The following AKR1E2 variants were observed in gnomAD, a reference collection of about 807,000 sequenced individuals.
AKR1E2 encodes the protein aldo-keto reductase family 1 member E2.
In AKR1E2, 43 loss-of-function variants were observed where a neutral mutation model predicts 41.9. The observed-to-expected ratio is 1.03, with a 90% CI of 0.80 to 1.32. The LOEUF (loss-of-function observed/expected upper bound fraction) is 1.32. Among genes scored for constraint, AKR1E2 ranks in the 40% most tolerant of loss-of-function variants. The pLI is 0.00. For synonymous variants in AKR1E2, 121 were observed against 138.9 expected, an observed-to-expected ratio of 0.87 and a Z score of 0.91; for missense variants, 423 against 396.5, an observed-to-expected ratio of 1.07 and a Z score of -0.57.
chr10:4,844,314 A>G (rs117935131), intron 8 of AKR1E2, among the ~76,000 whole-genome samples: 25,981 of 152,080 alleles, frequency 0.17, 2,716 homozygotes, highest in Middle Eastern at 0.33. Flanking sequence ...TATTGGCTTC[A>G]GGAGTGATGC....
chr10:4,849,563 T>C (rs1055336397), downstream of AKR1E2, among the ~76,000 whole-genome samples: 1 of 152,256 alleles, frequency 6.6e-6, no homozygotes, highest in Non-Finnish European at 1.5e-5. Flanking sequence ...CCATTGTTCA[T>C]TGACCTTAAA....
At chr10:4,856,219 T>C in the AKR1E2 span, among the ~76,000 whole-genome samples, 1 of 152,234 alleles carries the variant, frequency 6.6e-6, no homozygotes, top group Non-Finnish European at 1.5e-5. Context: ...TAAATAATTG[T>C]CTTAAGTTAG....
At chr10:4,835,436 T>C (rs903355340) in intron 3 of AKR1E2, among the ~76,000 whole-genome samples, 1 of 152,170 alleles carries the variant, frequency 6.6e-6, no homozygotes, top group Non-Finnish European at 1.5e-5. Flanking sequence ...ATACAGGGTC[T>C]TCCTTTCCCA....
chr10:4,845,132 G>A (rs11594118), intron 8 of AKR1E2, among the ~76,000 whole-genome samples: 2 of 152,206 alleles, frequency 1.3e-5, no homozygotes, highest in East Asian at 3.9e-4. Flanking sequence ...GGGGGACCTA[G>A]CACGCCCTCC....
intron 8 of AKR1E2, among the ~76,000 whole-genome samples, chr10:4,843,052 T>C (rs1349710217): frequency 6.6e-6 from 1 of 152,156 alleles, no homozygotes; most frequent in Non-Finnish European, 1.5e-5. Flanking sequence ...GAGGCAGCGG[T>C]CCTTTTCAGG....
At chr10:4,829,350 ATTATC>A (rs1411423520) in intron 1 of AKR1E2, among the ~76,000 whole-genome samples, 1 of 152,188 alleles carries the variant, frequency 6.6e-6, no homozygotes, top group Non-Finnish European at 1.5e-5. Flanking sequence ...GGTGTGGTAT[ATTATC>A]TTTTCATAAA....
intron 1 of AKR1E2, among the ~76,000 whole-genome samples, chr10:4,828,300 G>A (rs1259342319): frequency 6.6e-6 from 1 of 152,196 alleles, no homozygotes; most frequent in East Asian, 1.9e-4. Context: ...TCAAGATGAT[G>A]GCTGAAGCAC....
chr10:4,865,242 T>C, the AKR1E2 span, among the ~76,000 whole-genome samples: 1 of 152,180 alleles, frequency 6.6e-6, no homozygotes, highest in African/African-American at 2.4e-5. Context: ...AAACAGATCT[T>C]TTAAATCATT....
At chr10:4,859,914 A>G in the AKR1E2 span, among the ~76,000 whole-genome samples, 1 of 152,148 alleles carries the variant, frequency 6.6e-6, no homozygotes, top group African/African-American at 2.4e-5. Flanking sequence ...GCCCTCATGG[A>G]GTTGACCTGT....
chr10:4,870,348 C>A, the AKR1E2 span, among the ~76,000 whole-genome samples: 36 of 152,150 alleles, frequency 2.4e-4, no homozygotes, highest in African/African-American at 7.7e-4. Flanking sequence ...CAAGAACAAT[C>A]TACTGCGTTT....
chr10:4,849,157 G>T (rs1247238733), downstream of AKR1E2, among the ~76,000 whole-genome samples: 2 of 152,184 alleles, frequency 1.3e-5, no homozygotes, highest in African/African-American at 4.8e-5. Flanking sequence ...TGAGGGTGGG[G>T]TGTCATGGTT....
chr10:4,864,452 G>C, the AKR1E2 span, among the ~76,000 whole-genome samples: 2 of 152,022 alleles, frequency 1.3e-5, no homozygotes, highest in East Asian at 1.9e-4. Flanking sequence ...GTATTGATGG[G>C]ACATATCTCA....
At chr10:4,834,029 G>A (rs547511088) in intron 3 of AKR1E2, among the ~76,000 whole-genome samples, 86 of 152,310 alleles carry the variant, frequency 5.6e-4, no homozygotes, top group African/African-American at 1.9e-3. Flanking sequence ...CAGTCTGGCC[G>A]TGCAACTTCC....
chr10:4,842,505 G>T lies in AKR1E2; in HGVS notation c.837+1G>T, dbSNP rs745450309. On this transcript the variant is annotated splice_donor_variant, in intron 8 of 9. Transcript: ENST00000298375. LOFTEE classifies it high-confidence loss of function. ...AAGTCACATTAAAGAGAATATCCAG[G>T]TAGGTGTATTCCTTCTTTTATTTGG... is the stretch of plus-strand genomic sequence containing the variant. The T allele has an allele frequency of 1.5e-5, 24 of 1,613,530 alleles. No homozygotes were observed. Among genetic ancestry groups the T allele is most frequent in the Non-Finnish European group, 1.9e-5 (23 of 1,179,506 alleles).
the AKR1E2 span, among the ~76,000 whole-genome samples, chr10:4,872,548 T>C: frequency 6.6e-6 from 1 of 152,182 alleles, no homozygotes; most frequent in Non-Finnish European, 1.5e-5. Context: ...AGTCATTGAA[T>C]AGTTATTGTT....
intron 2 of AKR1E2, among the ~76,000 whole-genome samples, chr10:4,832,929 A>G (rs1328910307): frequency 6.6e-6 from 1 of 152,220 alleles, no homozygotes; most frequent in Non-Finnish European, 1.5e-5. Flanking sequence ...GCTAACCCAC[A>G]TGGTTACAGT....
chr10:4,854,275 G>C, the AKR1E2 span, among the ~76,000 whole-genome samples: 6 of 152,008 alleles, frequency 3.9e-5, no homozygotes, highest in Non-Finnish European at 8.8e-5. Context: ...TGTATTTCTA[G>C]TAGAGATGGG....
intron 5 of AKR1E2, among the ~76,000 whole-genome samples, chr10:4,838,766 A>G (rs914177123): frequency 1.3e-5 from 2 of 152,106 alleles, no homozygotes; most frequent in Non-Finnish European, 2.9e-5. Context: ...CCCTATATAT[A>G]TAAGTTTTGA....
chr10:4,843,983 G>A (rs988693584), intron 8 of AKR1E2, among the ~76,000 whole-genome samples: 1 of 152,186 alleles, frequency 6.6e-6, no homozygotes, highest in Non-Finnish European at 1.5e-5. Context: ...GAGACTGCAG[G>A]TCTCTTGTAG....
Sources: gnomAD v4.1 joint callset for allele counts (sites outside exome capture counted in the v4.1 genomes callset) on GRCh38, gnomAD v4.1.1 for gene constraint, MANE v1.5 for transcripts, NCBI Gene and HGNC (gene_info 2026-07-23, HGNC 2026-07-21) for gene names.